The following SGCD variants were observed in gnomAD, a reference collection of about 807,000 sequenced individuals.
SGCD encodes delta-sarcoglycan.
SGCD carries 18 observed loss-of-function variants against 36.6 expected under a neutral mutation model. That is an observed-to-expected ratio of 0.49 (90% CI 0.34 to 0.73). The LOEUF (loss-of-function observed/expected upper bound fraction) is 0.73. SGCD is among the 30% of genes least tolerant of loss of function. The pLI, the probability that SGCD is intolerant of heterozygous loss-of-function variation, is 0.01. For synonymous variants in SGCD, 133 were observed against 130.6 expected, an observed-to-expected ratio of 1.02 and a Z score of -0.12; for missense variants, 387 against 346.7, an observed-to-expected ratio of 1.12 and a Z score of -0.92.
intron 3 of SGCD, among the ~76,000 whole-genome samples, chr5:156,151,108 C>T (rs915310254): frequency 1.3e-5 from 2 of 151,558 alleles, no homozygotes; most frequent in Admixed American, 1.3e-4. Context: ...CAGGGGGAGC[C>T]AATGGAGATA....
chr5:156,132,015 C>T (rs565301145), intron 3 of SGCD, among the ~76,000 whole-genome samples: 1 of 152,296 alleles, frequency 6.6e-6, no homozygotes, highest in Non-Finnish European at 1.5e-5. Flanking sequence ...TGCAAGCTAA[C>T]AGTGCTTTTC....
chr5:156,122,018 A>G (rs1442970068), intron 2 of SGCD, among the ~76,000 whole-genome samples: 1 of 152,152 alleles, frequency 6.6e-6, no homozygotes, highest in African/African-American at 2.4e-5. Context: ...ACTAACATTC[A>G]TCTTTTGCAT....
At chr5:156,176,729 T>C (rs75780566) in intron 3 of SGCD, among the ~76,000 whole-genome samples, 2,246 of 152,370 alleles carry the variant, frequency 0.015, 27 homozygotes, top group Non-Finnish European at 0.024. Flanking sequence ...ATATGTTTTA[T>C]AATTACAGCT....
At position 156,274,226 on chromosome 5, in the gene SGCD, A is replaced by T. The variant is rs142074423; in HGVS notation, c.-43-55308A>T. Among the ~76,000 whole-genome samples the T allele has an allele frequency of 6.5e-3, 993 of 152,280 alleles. 15 individuals are homozygous for T. The highest frequency in any genetic ancestry group is 0.022 in the African/African-American group (933 of 41,548). ...GGGACACTAAAAATCTCAGCAATTA[A>T]ATCATATTTTTAAATATCAAAATTA... is the stretch of plus-strand genomic sequence containing the variant. On this transcript the variant is annotated intron_variant, in intron 3 of 9. Transcript: ENST00000517913.
At chr5:156,285,942 T>A (rs1766584426) in intron 3 of SGCD, among the ~76,000 whole-genome samples, 1 of 151,972 alleles carries the variant, frequency 6.6e-6, no homozygotes, top group African/African-American at 2.4e-5. Context: ...AGGGCTAATA[T>A]CCAGAATCTA....
chr5:156,153,346 C>G (rs546160912), intron 3 of SGCD, among the ~76,000 whole-genome samples: 1 of 151,246 alleles, frequency 6.6e-6, no homozygotes, highest in South Asian at 2.1e-4. Flanking sequence ...TAACGTGGGC[C>G]TTGGTTTTAA....
At chr5:156,483,406 A>T (rs1314770212) in intron 3 of SGCD, among the ~76,000 whole-genome samples, 1 of 152,212 alleles carries the variant, frequency 6.6e-6, no homozygotes, top group African/African-American at 2.4e-5. Flanking sequence ...AGTCACCCCA[A>T]GGTTGAGGGG....
chr5:156,281,965 A>T (rs1429876387), intron 3 of SGCD, among the ~76,000 whole-genome samples: 1 of 152,000 alleles, frequency 6.6e-6, no homozygotes, highest in East Asian at 1.9e-4. Flanking sequence ...CAGGAGGCGG[A>T]GCTTGCAGTG....
intron 7 of SGCD, among the ~76,000 whole-genome samples, chr5:156,672,339 A>C (rs1753331033): frequency 6.6e-6 from 1 of 152,172 alleles, no homozygotes; most frequent in Non-Finnish European, 1.5e-5. Context: ...AGTCTTAAAC[A>C]GTAAGGGTGG....
chr5:155,900,024 C>G (rs2113335574), intron 1 of SGCD, among the ~76,000 whole-genome samples: 2 of 152,130 alleles, frequency 1.3e-5, no homozygotes, highest in Middle Eastern at 6.8e-3. Flanking sequence ...ATTGGCTTTC[C>G]CTAACTCCTC....
chr5:156,084,410 T>C (rs1298948560), intron 1 of SGCD, among the ~76,000 whole-genome samples: 1 of 152,182 alleles, frequency 6.6e-6, no homozygotes, highest in Admixed American at 6.5e-5. Flanking sequence ...TGTTGGTATA[T>C]AGAAATGGGA....
At position 155,918,517 on chromosome 5, in the gene SGCD, C is replaced by T. The variant is rs111915146; in HGVS notation, c.-282+48093C>T. 6.7e-3 allele frequency among the ~76,000 whole-genome samples: 1,027 copies of T among 152,248 alleles called. 6 individuals are homozygous for T. The highest frequency in any genetic ancestry group is 0.043 in the South Asian group (207 of 4,810). On this transcript the variant is annotated intron_variant, in intron 1 of 9. Transcript: ENST00000517913. ...GGCGGAGTTTGCAGTGAGCTGAGATCGCGCCATTGCACTGTAGCCTGGGGG... is the reference window on the plus strand; with the variant it reads ...GGCGGAGTTTGCAGTGAGCTGAGATTGCGCCATTGCACTGTAGCCTGGGGG...
At chr5:155,867,636 AAG>A (rs1755548246), upstream of SGCD, among the ~76,000 whole-genome samples, 2 of 152,176 alleles carry the variant, frequency 1.3e-5, no homozygotes, top group African/African-American at 2.4e-5. Context: ...GTGTAGGAGA[AAG>A]AGGAATGATT....
chr5:156,557,763 C>T (rs1759085784), intron 4 of SGCD, among the ~76,000 whole-genome samples: 1 of 152,060 alleles, frequency 6.6e-6, no homozygotes, highest in African/African-American at 2.4e-5. Context: ...TCCCCTCTGC[C>T]TCCTCATCAA....
At chr5:155,737,476 C>A in the SGCD span, among the ~76,000 whole-genome samples, 24 of 152,324 alleles carry the variant, frequency 1.6e-4, no homozygotes, top group Admixed American at 1.4e-3. Context: ...ACTTTCCATT[C>A]TATTCCCATT....
chr5:156,628,834 C>T (rs1762524472), intron 6 of SGCD, among the ~76,000 whole-genome samples: 1 of 152,172 alleles, frequency 6.6e-6, no homozygotes, highest in Non-Finnish European at 1.5e-5. Flanking sequence ...CTGACCTCAA[C>T]CAGATTTTAA....
At chr5:155,792,433 C>CAAAAAAAAAAAAAAAA in the SGCD span, among the ~76,000 whole-genome samples, 4 of 92,328 alleles carry the variant, frequency 4.3e-5, no homozygotes, top group African/African-American at 8.6e-5. Context: ...TTCTACATAG[C>CAAAAAAAAAAAAAAAA]AAAAAAAAAA....
rs1188219346 is a variant in SGCD at position 156,635,059 on chromosome 5, C to CA, written c.503-12398dup. Among the ~76,000 whole-genome samples the CA allele has an allele frequency of 2.0e-5, 3 of 151,818 alleles. No homozygotes were observed. The South Asian group carries it at 6.2e-4, about 32-fold the overall frequency. Reference sequence around the variant, plus strand: ...GCAACATGGTAAAACCCTCTCTCTACAAAAAAATTTTAAAAATTAACCAGG... The same window carrying CA: ...GCAACATGGTAAAACCCTCTCTCTACAAAAAAAATTTTAAAAATTAACCAGG... On this transcript the variant is annotated intron_variant, in intron 6 of 8. Coordinates refer to ENST00000337851, the MANE Select transcript of SGCD (RefSeq NM_000337.6).
chr5:156,081,182 G>A (rs568933495), intron 1 of SGCD, among the ~76,000 whole-genome samples: 57 of 152,260 alleles, frequency 3.7e-4, no homozygotes, highest in African/African-American at 1.3e-3. Flanking sequence ...CAGTAAGAGA[G>A]AGAGAGTAGT....
Sources: gnomAD v4.1 joint callset for allele counts (sites outside exome capture counted in the v4.1 genomes callset) on GRCh38, gnomAD v4.1.1 for gene constraint, MANE v1.5 for transcripts, NCBI Gene and HGNC (gene_info 2026-07-23, HGNC 2026-07-21) for gene names.